SIK3: variants seen among roughly 807,000 people sequenced by gnomAD.
The protein encoded by SIK3 is serine/threonine-protein kinase SIK3.
SIK3 carries 28 observed loss-of-function variants against 144.2 expected under a neutral mutation model. That is an observed-to-expected ratio of 0.19 (90% CI 0.14 to 0.27). The LOEUF is 0.27. SIK3 is among the 10% of genes least tolerant of loss of function. SIK3 has a pLI of 1.00. For synonymous variants in SIK3, 686 were observed against 676.3 expected, an observed-to-expected ratio of 1.01 and a Z score of -0.22; for missense variants, 1,319 against 1,776.0, an observed-to-expected ratio of 0.74 and a Z score of 4.62.
intron 1 of SIK3, among the ~76,000 whole-genome samples, chr11:117,092,343 G>T (rs951504571): frequency 6.6e-6 from 1 of 151,986 alleles, no homozygotes; most frequent in Admixed American, 6.6e-5. Flanking sequence ...CTTCTGTAAG[G>T]AATCTTCTGT....
At chr11:116,937,020 G>A (rs2135224706) in intron 3 of SIK3, among the ~76,000 whole-genome samples, 1 of 152,292 alleles carries the variant, frequency 6.6e-6, no homozygotes, top group Admixed American at 6.5e-5. Context: ...TAGAAAAACT[G>A]CTCCATAATT....
rs138838897 is a variant in SIK3 at position 116,914,143 on chromosome 11, A to G, written c.616+13076T>C. ...CTTCAAATGAGAGCAGACATCTGAA[A>G]AGTAACCCAACTGAAAGGTGATGTG... On this transcript the variant is annotated intron_variant, in intron 4 of 24. Transcript: ENST00000445177. 2.4e-4 allele frequency among the ~76,000 whole-genome samples: 37 copies of G among 152,208 alleles called. No homozygotes were observed. In the East Asian group the frequency reaches 7.1e-3, roughly 29 times the overall value.
At chr11:116,873,673 T>G (rs11216169) in intron 12 of SIK3, 37 bp from the exon 13 acceptor site, 4 of 1,520,190 alleles carry the variant, frequency 2.6e-6, no homozygotes, top group Non-Finnish European at 2.6e-6. Context: ...GACCATGAGA[T>G]GAGGGGAAGG....
At chr11:117,048,719 G>A (rs1370652942) in intron 1 of SIK3, among the ~76,000 whole-genome samples, 3 of 152,036 alleles carry the variant, frequency 2.0e-5, no homozygotes, top group Non-Finnish European at 4.4e-5. Flanking sequence ...TATCTACTAA[G>A]AAAGGTCTAT....
intron 1 of SIK3, among the ~76,000 whole-genome samples, chr11:117,067,528 T>C (rs1591643037): frequency 6.6e-6 from 1 of 152,184 alleles, no homozygotes; most frequent in East Asian, 1.9e-4. Context: ...AGGATGAGAA[T>C]GAATGCAAAC....
intron 21 of SIK3, among the ~76,000 whole-genome samples, chr11:116,853,563 T>C (rs947268234): frequency 3.9e-5 from 6 of 152,240 alleles, no homozygotes; most frequent in Non-Finnish European, 8.8e-5. Flanking sequence ...AATCTGTCAA[T>C]GTTGACTCGT....
intron 1 of SIK3, among the ~76,000 whole-genome samples, chr11:116,980,392 C>T (rs944660548): frequency 1.3e-5 from 2 of 152,196 alleles, no homozygotes; most frequent in African/African-American, 4.8e-5. Context: ...AATGGCTTCA[C>T]ACTGCTAAAA....
chr11:117,040,295 ACTT>A (rs1952682583), intron 1 of SIK3, among the ~76,000 whole-genome samples: 1 of 152,182 alleles, frequency 6.6e-6, no homozygotes, highest in Non-Finnish European at 1.5e-5. Flanking sequence ...AAGTTACTCT[ACTT>A]CTTCACTACA....
chr11:117,056,426 A>G lies in SIK3; in HGVS notation c.273+41717T>C, dbSNP rs960892170. The stretch of plus-strand genomic sequence containing the variant: ...GCATTAGGAGATATACCTTATGTAA[A>G]TGATGAGTTAATGAGTGCAGCACAC... On this transcript the variant is annotated intron_variant, in intron 1 of 24. Transcript: ENST00000445177. Among the ~76,000 whole-genome samples the G allele has an allele frequency of 2.0e-5, 3 of 152,244 alleles. No homozygotes were observed. The South Asian group carries it at 6.2e-4, about 32-fold the overall frequency.
intron 1 of SIK3, among the ~76,000 whole-genome samples, chr11:117,014,585 G>A (rs1189788515): frequency 4.7e-5 from 7 of 147,480 alleles, no homozygotes; most frequent in Non-Finnish European, 9.0e-5. Flanking sequence ...ATAAAAAAAA[G>A]GGGGGCTCAT....
chr11:116,963,472 A>G (rs760352327), intron 1 of SIK3, among the ~76,000 whole-genome samples: 1 of 152,250 alleles, frequency 6.6e-6, no homozygotes, highest in Non-Finnish European at 1.5e-5. Context: ...CTTGGTCATC[A>G]GAGCAATTGC....
intron 1 of SIK3, among the ~76,000 whole-genome samples, chr11:117,033,925 C>T (rs1448184496): frequency 6.6e-6 from 1 of 152,048 alleles, no homozygotes; most frequent in Non-Finnish European, 1.5e-5. Flanking sequence ...AGGAATCTCA[C>T]ATAAATAATG....
chr11:116,943,570 C>G (rs957084213), intron 3 of SIK3, among the ~76,000 whole-genome samples: 1 of 152,218 alleles, frequency 6.6e-6, no homozygotes, highest in African/African-American at 2.4e-5. Flanking sequence ...CCTTCACATT[C>G]ATCAAAGACA....
intron 4 of SIK3, among the ~76,000 whole-genome samples, chr11:116,920,299 C>A (rs369740663): frequency 3.9e-4 from 59 of 152,164 alleles, no homozygotes; most frequent in African/African-American, 1.4e-3. Context: ...ACCCCAACTT[C>A]TTCCAATCCC....
intron 15 of SIK3, among the ~76,000 whole-genome samples, chr11:116,866,165 G>A (rs763433838): frequency 1.3e-5 from 2 of 152,084 alleles, no homozygotes; most frequent in African/African-American, 2.4e-5. Flanking sequence ...GCCTGACTCT[G>A]GAAATGTGAC....
At chr11:116,941,014 T>C (rs1948267561) in intron 3 of SIK3, among the ~76,000 whole-genome samples, 1 of 152,074 alleles carries the variant, frequency 6.6e-6, no homozygotes, top group Admixed American at 6.5e-5. Flanking sequence ...TTGTTTTGTT[T>C]TGATTTTTTT....
At chr11:117,001,556 C>T (rs777850982) in intron 1 of SIK3, among the ~76,000 whole-genome samples, 2 of 151,896 alleles carry the variant, frequency 1.3e-5, no homozygotes, top group Admixed American at 1.3e-4. Flanking sequence ...CAGTGGCTCA[C>T]GTCTATAGTC....
chr11:117,017,011 A>T (rs2135718624), intron 1 of SIK3, among the ~76,000 whole-genome samples: 1 of 152,406 alleles, frequency 6.6e-6, no homozygotes, highest in South Asian at 2.1e-4. Flanking sequence ...CAGAATACAT[A>T]TTGTGTAATG....
intron 13 of SIK3, among the ~76,000 whole-genome samples, chr11:116,873,224 C>A (rs976154571): frequency 6.6e-6 from 1 of 152,218 alleles, no homozygotes; most frequent in Non-Finnish European, 1.5e-5. Context: ...AACCAGGGTA[C>A]CTGTGAGCGC....
Sources: allele counts gnomAD v4.1 joint callset (sites outside exome capture counted in the v4.1 genomes callset), GRCh38; gene constraint gnomAD v4.1.1; transcripts MANE v1.5; gene names NCBI Gene and HGNC (gene_info 2026-07-23, HGNC 2026-07-21).